The following RNF183 variants were observed in gnomAD, a reference collection of about 807,000 sequenced individuals.
The protein encoded by RNF183 is ring finger protein 183.
A neutral mutation model predicts 9.0 loss-of-function variants in RNF183; 4 were observed. The observed-to-expected ratio is 0.44, with a 90% CI of 0.22 to 1.01. The LOEUF (loss-of-function observed/expected upper bound fraction) is 1.01. RNF183 is among the 50% of genes least tolerant of loss of function. RNF183 has a pLI of 0.25. For synonymous variants in RNF183, 102 were observed against 107.5 expected (o/e 0.95, Z 0.32); for missense variants, 227 against 253.6 (o/e 0.89, Z 0.71).
At position 113,303,271 on chromosome 9, in the gene RNF183, T is replaced by C. The variant is rs1832977269; in HGVS notation, c.-656A>G. The stretch of plus-strand genomic sequence containing the variant: ...TACACCCTGGAAGCTTTGGTTGCTT[T>C]GTCTTTCTCCTGTGAGTCACTCTGG... On this transcript the variant is annotated 5_prime_UTR_variant, in exon 1 of 5. Coordinates refer to ENST00000489339, the MANE Select transcript of RNF183 (RefSeq NM_001371237.1). 6.5e-6 allele frequency: 1 copy of C among 152,900 alleles called. No homozygotes were observed. Among genetic ancestry groups the C allele is most frequent in the African/African-American group, 2.4e-5 (1 of 41,460 alleles). The allele number at this position is 152,900 out of a possible 1,614,324, so 9.5% of individuals were successfully genotyped here.
chr9:113,301,042 G>C (rs1435449879), intron 3 of RNF183, among the ~76,000 whole-genome samples: 2 of 152,154 alleles, frequency 1.3e-5, no homozygotes, highest in Admixed American at 1.3e-4. Context: ...TAGGGATCCA[G>C]TTGTAGTTTC....
In RNF183 at chr9:113,298,690, A is replaced by C. The variant is rs932518380; in HGVS notation, c.-37-469T>G. ...TGTCCCTCCTATGGGGACAAATGCCAGCCCTCTTTCCCTCCTCCCCTTGAG... is the reference window on the plus strand; with the variant it reads ...TGTCCCTCCTATGGGGACAAATGCCCGCCCTCTTTCCCTCCTCCCCTTGAG... On this transcript the variant is annotated intron_variant, in intron 4 of 4. Transcript: ENST00000489339. This position sits in a 1 kb window ranked among gnomAD's most constrained non-coding sequence, Gnocchi z 4.9. 6.5e-6 allele frequency: 1 copy of C among 154,470 alleles called. No individual in the cohort carries two copies. Among genetic ancestry groups the C allele is most frequent in the Non-Finnish European group, 1.4e-5 (1 of 69,794 alleles). 9.6% of individuals were successfully genotyped at this position (154,470 alleles called of 1,614,324 possible).
At position 113,297,941 on chromosome 9, in the gene RNF183, C is replaced by T. The variant is rs3750533; in HGVS notation, c.244G>A (p.Ala82Thr). 0.34 allele frequency: 555,540 copies of T among 1,613,228 alleles called. 98,744 individuals carry two copies. The highest frequency in any genetic ancestry group is 0.51 in the South Asian group (46,560 of 91,044). The change falls in exon 5 of 5, where the codon GCC becomes ACC. Residue 82 changes from alanine to threonine, a missense_variant. Physicochemically the swap from Ala to Thr is moderately conservative, Grantham distance 58. Transcript: ENST00000489339. ...TDLPTDTAMLALLRLEPHHVI... is the reference protein window; with the variant it reads ...TDLPTDTAMLTLLRLEPHHVI... ...TGGTGGGGCTCCAGGCGGAGCAGGG[C>T]GAGCATGGCAGTGTCCGTGGGCAAG...
rs1400086970 is a variant in RNF183 at position 113,298,002 on chromosome 9, C to A, written c.183G>T (p.Gln61His). The change falls in exon 5 of 5, where the codon CAG becomes CAT. Residue 61 changes from glutamine (Q) to histidine (H), a missense_variant. Transcript: ENST00000489339. The surrounding 1 kb of genome is among the most constrained non-coding windows in gnomAD (Gnocchi z 4.9). The stretch of plus-strand genomic sequence containing the variant: ...GCTGCCCTGAGGCCAGCACTGTGGG[C>A]TGGCGACAGAGTGGGCACAGCAGGC... ...RRRLLCPLCR[Q>H]PTVLASGQPV... 2.7e-5 allele frequency: 44 copies of A among 1,613,828 alleles called. No homozygotes were observed. Among genetic ancestry groups the A allele is most frequent in the Non-Finnish European group, 3.7e-5 (44 of 1,180,000 alleles).
At position 113,299,773 on chromosome 9, in the gene RNF183, C is replaced by G. The variant is rs1564276420; in HGVS notation, c.-239G>C. Reference sequence around the variant, plus strand: ...CATTCGAATAATTTGAAGAGTTGATCTGCTGGGGAAAAGAAAAAGTTTAAA... The same window carrying G: ...CATTCGAATAATTTGAAGAGTTGATGTGCTGGGGAAAAGAAAAAGTTTAAA... On this transcript the variant is annotated splice_region_variant and 5_prime_UTR_variant, in exon 4 of 5. Coordinates refer to ENST00000489339, the MANE Select transcript of RNF183 (RefSeq NM_001371237.1). 6.6e-6 allele frequency: 1 copy of G among 152,140 alleles called. No homozygotes were observed. Among genetic ancestry groups the G allele is most frequent in the Non-Finnish European group, 1.5e-5 (1 of 68,028 alleles). The allele number at this position is 152,140 out of a possible 1,614,324, so 9.4% of individuals were successfully genotyped here.
Position 113,299,644 on chromosome 9 carries a change from C to A in RNF183, c.-110G>T, listed in dbSNP as rs1461897282. 6.6e-6 allele frequency: 1 copy of A among 152,212 alleles called. No individual in the cohort carries two copies. The highest frequency in any genetic ancestry group is 1.5e-5 in the Non-Finnish European group (1 of 68,050). 9.4% of individuals were successfully genotyped at this position (152,212 alleles called of 1,614,324 possible). ...GAGATCTTAGAGCTGGCCATCCCAC[C>A]AACCTTAGGGAGTTAAAGCGGGGAG... On this transcript the variant is annotated 5_prime_UTR_variant, in exon 4 of 5. Coordinates refer to ENST00000489339, the MANE Select transcript of RNF183 (RefSeq NM_001371237.1).
chr9:113,299,177 G>A (rs1832839340), intron 4 of RNF183: 2 of 152,332 alleles, frequency 1.3e-5, no homozygotes, highest in South Asian at 2.1e-4. Flanking sequence ...CAAGGCCAGA[G>A]AGCTTCCTGG....
At chr9:113,299,232 G>A (rs1411570414) in intron 4 of RNF183, 1 of 152,424 alleles carries the variant, frequency 6.6e-6, no homozygotes, top group Admixed American at 6.5e-5. Flanking sequence ...TTCCCCCCAG[G>A]GCATGGCAAC....
In RNF183 at chr9:113,298,341, A is replaced by G; in HGVS notation, c.-37-120T>C. 2 of 643,198 alleles carry G rather than the reference A, an allele frequency of 3.1e-6. No individual in the cohort carries two copies. Among genetic ancestry groups the G allele is most frequent in the Non-Finnish European group, 5.4e-6 (2 of 368,476 alleles). 39.8% of individuals were successfully genotyped at this position (643,198 alleles called of 1,614,324 possible). A position where few individuals can be genotyped will look rare whatever the true frequency, so the allele number is the denominator to read the frequency against. On this transcript the variant is annotated intron_variant, in intron 4 of 4. Coordinates refer to ENST00000489339, the MANE Select transcript of RNF183 (RefSeq NM_001371237.1). This position sits in a 1 kb window ranked among gnomAD's most constrained non-coding sequence, Gnocchi z 4.9. ...AATCACCACGTTTTACTTAGGTTCA[A>G]AAGCGTTTTGTTCTTGATCACCAGT... is the stretch of plus-strand genomic sequence containing the variant.
intron 3 of RNF183, among the ~76,000 whole-genome samples, chr9:113,300,955 A>T (rs1429251030): frequency 6.6e-6 from 1 of 152,164 alleles, no homozygotes; most frequent in African/African-American, 2.4e-5. Context: ...GCAGTGGCAG[A>T]GGAGATAAAA....
Position 113,297,163 on chromosome 9 carries a change from C to T in RNF183, c.*443G>A, listed in dbSNP as rs1478407417. ...CAAAGAGAAACAAACACACATTTAC[C>T]CACAGAATTGAAGCTCACTTCCCAA... is the stretch of plus-strand genomic sequence containing the variant. On this transcript the variant is annotated 3_prime_UTR_variant, in exon 5 of 5. Transcript: ENST00000489339. 2 of 152,398 alleles carry T rather than the reference C, an allele frequency of 1.3e-5. No individual in the cohort carries two copies. The highest frequency in any genetic ancestry group is 1.3e-4 in the Admixed American group (2 of 15,274). 9.4% of individuals were successfully genotyped at this position (152,398 alleles called of 1,614,324 possible). A position where few individuals can be genotyped will look rare whatever the true frequency, so the allele number is the denominator to read the frequency against.
intron 3 of RNF183, among the ~76,000 whole-genome samples, chr9:113,301,226 TG>T (rs983881962): frequency 6.6e-6 from 1 of 152,114 alleles, no homozygotes; most frequent in Non-Finnish European, 1.5e-5. Flanking sequence ...GACCTAAAAA[TG>T]GGACTATGTT....
intron 1 of RNF183, among the ~76,000 whole-genome samples, chr9:113,302,770 G>A (rs1273283690): frequency 1.1e-4 from 16 of 152,194 alleles, no homozygotes; most frequent in Admixed American, 9.8e-4. Context: ...AGGTTGCTCT[G>A]GGGAAGGAAT....
rs115276273 is a variant in RNF183 at position 113,297,627 on chromosome 9, C to A, written c.558G>T (p.Gln186His). ...LLIFSIFWTK[Q>H]FLWGVG is the part of the protein sequence containing the mutation. ...GCACTCACCCCACACCCCAAAGGAACTGCTTGGTCCAAAAGATGGAGAATA... is the reference window on the plus strand; with the variant it reads ...GCACTCACCCCACACCCCAAAGGAAATGCTTGGTCCAAAAGATGGAGAATA... The change falls in exon 5 of 5, where the codon CAG becomes CAT. Residue 186 changes from glutamine to histidine, a missense_variant. Coordinates refer to ENST00000489339, the MANE Select transcript of RNF183 (RefSeq NM_001371237.1). 2 of 1,604,378 alleles carry A rather than the reference C, an allele frequency of 1.2e-6. No individual in the cohort carries two copies. Among genetic ancestry groups the A allele is most frequent in the African/African-American group, 1.3e-5 (1 of 74,888 alleles).
rs1434795382 is a variant in RNF183, at chr9:113,297,836, T to A, written c.349A>T (p.Thr117Ser). ...CCAGGCTGGGGGCCAAGGTCCAGCG[T>A]GTAGACTTGAGGCTGGCGCAGGAAG... ...RYFLRQPQVY[T>S]LDLGPQPGGQ... Residue 117 changes from threonine to serine, a missense_variant, in exon 5 of 5, where the codon ACG (threonine) becomes TCG (serine). By Grantham distance (58) the Thr-to-Ser change is moderately conservative. Coordinates refer to ENST00000489339, the MANE Select transcript of RNF183 (RefSeq NM_001371237.1). The A allele has an allele frequency of 1.2e-6, 2 of 1,611,776 alleles. No individual in the cohort carries two copies. The highest frequency in any genetic ancestry group is 1.7e-6 in the Non-Finnish European group (2 of 1,178,704).
chr9:113,299,820 A>G (rs1007920856), intron 3 of RNF183, 45 bp from the exon 4 acceptor site: 14 of 152,128 alleles, frequency 9.2e-5, no homozygotes, highest in Non-Finnish European at 2.1e-4. Flanking sequence ...CATCTGAACT[A>G]CTCACTTTGC....
At chr9:113,302,914 A>T (rs1397551730) in intron 1 of RNF183, 142 bp downstream of exon 1, 2 of 152,258 alleles carry the variant, frequency 1.3e-5, no homozygotes, top group Non-Finnish European at 2.9e-5. Context: ...TTCCCAGCTA[A>T]AGAGTGGCTG....
chr9:113,301,322 C>T (rs1159302861), intron 3 of RNF183, among the ~76,000 whole-genome samples: 4 of 152,198 alleles, frequency 2.6e-5, no homozygotes, highest in East Asian at 1.9e-4. Flanking sequence ...CTAGGCTATA[C>T]GGTCTAGCCT....
rs1296760710 is a variant in RNF183 at position 113,303,143 on chromosome 9, C to A, written c.-528G>T. On this transcript the variant is annotated 5_prime_UTR_variant, in exon 1 of 5. Coordinates refer to ENST00000489339, the MANE Select transcript of RNF183 (RefSeq NM_001371237.1). ...TTTCTGACTTCCCAGGCCCGATTTC[C>A]AGGTAGCGTGGGTGGGTCTTATTTG... is the stretch of plus-strand genomic sequence containing the variant. 2 of 152,666 alleles carry A rather than the reference C, an allele frequency of 1.3e-5. No individual in the cohort carries two copies. Among genetic ancestry groups the A allele is most frequent in the Admixed American group, 1.3e-4 (2 of 15,292 alleles). The allele number at this position is 152,666 out of a possible 1,614,324, so 9.5% of individuals were successfully genotyped here. A position where few individuals can be genotyped will look rare whatever the true frequency, so the allele number is the denominator to read the frequency against.
Sources: allele counts gnomAD v4.1 joint callset (sites outside exome capture counted in the v4.1 genomes callset), GRCh38; gene constraint gnomAD v4.1.1; non-coding constraint Gnocchi (gnomAD v3.1); transcripts MANE v1.5; gene names NCBI Gene and HGNC (gene_info 2026-07-23, HGNC 2026-07-21).